Variants in EML6 observed in about 807,000 individuals in gnomAD.
EML6 encodes EMAP like 6, also known as echinoderm microtubule-associated protein-like 6.
In EML6, 154 loss-of-function variants were observed where a neutral mutation model predicts 240.1. The ratio of observed to expected loss-of-function variants is 0.64; its 90% CI spans 0.56 to 0.73. The LOEUF (loss-of-function observed/expected upper bound fraction) is 0.73. Ranked by LOEUF, EML6 falls within the 30% of genes least tolerant of loss-of-function variation. The pLI, the probability that EML6 is intolerant of heterozygous loss-of-function variation, is 0.00. For synonymous variants in EML6, 1,148 were observed against 899.0 expected, an observed-to-expected ratio of 1.28 and a Z score of -4.95; for missense variants, 2,964 against 2,474.6, an observed-to-expected ratio of 1.20 and a Z score of -4.20.
At chr2:54,923,967 A>G (rs1346043882) in intron 26 of EML6, among the ~76,000 whole-genome samples, 1 of 152,142 alleles carries the variant, frequency 6.6e-6, no homozygotes, top group Non-Finnish European at 1.5e-5. Context: ...TAGTTCATTC[A>G]TTTTCATAGC....
At chr2:54,795,371 C>T (rs898264686) in intron 2 of EML6, among the ~76,000 whole-genome samples, 7 of 152,104 alleles carry the variant, frequency 4.6e-5, no homozygotes, top group Non-Finnish European at 5.9e-5. Context: ...ATCACTATCA[C>T]GAGAACACAA....
chr2:54,775,149 G>A (rs929965225), intron 2 of EML6, among the ~76,000 whole-genome samples: 1 of 152,146 alleles, frequency 6.6e-6, no homozygotes, highest in African/African-American at 2.4e-5. Context: ...ATTCATTATG[G>A]TAGCCAAAAT....
chr2:54,919,532 A>C (rs1674112747), intron 26 of EML6, among the ~76,000 whole-genome samples: 1 of 152,066 alleles, frequency 6.6e-6, no homozygotes, highest in African/African-American at 2.4e-5. Flanking sequence ...GCCCATCCCA[A>C]AGCCGCCTGG....
At chr2:54,916,007 C>T (rs1673890685) in intron 25 of EML6, among the ~76,000 whole-genome samples, 2 of 152,122 alleles carry the variant, frequency 1.3e-5, no homozygotes, top group Non-Finnish European at 2.9e-5. Flanking sequence ...TTAACCTATA[C>T]AAATTACAAA....
intron 11 of EML6, among the ~76,000 whole-genome samples, chr2:54,857,463 C>T (rs1224466700): frequency 1.3e-5 from 2 of 152,132 alleles, no homozygotes; most frequent in African/African-American, 4.8e-5. Context: ...TGCTGTCCTA[C>T]GGGATGGAGA....
At chr2:54,853,995 T>G in intron 11 of EML6, 140 bp downstream of exon 11, 1 of 505,788 alleles carries the variant, frequency 2.0e-6, no homozygotes, top group Non-Finnish European at 3.3e-6. Flanking sequence ...TTCAACAATT[T>G]TAAATAGAAT....
chr2:54,791,962 G>A (rs561796952), intron 2 of EML6, among the ~76,000 whole-genome samples: 12 of 152,266 alleles, frequency 7.9e-5, no homozygotes, highest in African/African-American at 1.9e-4. Context: ...AAATCCTGGC[G>A]ATCTCTTTCA....
At chr2:54,796,710 T>C (rs1416956685) in intron 2 of EML6, among the ~76,000 whole-genome samples, 2 of 151,842 alleles carry the variant, frequency 1.3e-5, no homozygotes, top group Non-Finnish European at 2.9e-5. Flanking sequence ...CCAGAAAAGG[T>C]TATGGGGATC....
At chr2:54,885,081 C>T (rs558724488) in intron 17 of EML6, among the ~76,000 whole-genome samples, 34 of 152,164 alleles carry the variant, frequency 2.2e-4, no homozygotes, top group East Asian at 1.7e-3. Context: ...CATCTGAGCC[C>T]GGGAGGCAGA....
intron 28 of EML6, among the ~76,000 whole-genome samples, chr2:54,932,531 C>G (rs1349474488): frequency 6.6e-6 from 1 of 152,178 alleles, no homozygotes; most frequent in East Asian, 1.9e-4. Flanking sequence ...TTACTCTCAA[C>G]TTTTGACCTT....
chr2:54,724,839 G>A lies in EML6; in HGVS notation c.-223G>A, dbSNP rs1211899381. On this transcript the variant is annotated 5_prime_UTR_variant, in exon 2 of 42. Transcript: ENST00000356458. This position sits in a 1 kb window ranked among gnomAD's most constrained non-coding sequence, Gnocchi z 5.2. ...CTTGCCCGGGTAGAGGGAGCCCGGCGCCCGGCGGGGTCTGGCGGCCGCACA... is the reference window on the plus strand; with the variant it reads ...CTTGCCCGGGTAGAGGGAGCCCGGCACCCGGCGGGGTCTGGCGGCCGCACA... The A allele has an allele frequency of 5.4e-5, 10 of 186,732 alleles. No individual in the cohort carries two copies. The East Asian group carries it at 1.7e-3, about 32-fold the overall frequency. 11.6% of individuals were successfully genotyped at this position (186,732 alleles called of 1,614,324 possible).
At chr2:54,886,858 G>C (rs1217148695) in intron 17 of EML6, among the ~76,000 whole-genome samples, 1 of 152,192 alleles carries the variant, frequency 6.6e-6, no homozygotes, top group African/African-American at 2.4e-5. Context: ...TTTTAGGCAA[G>C]AATGCTTTAT....
At chr2:54,948,080 G>A (rs1047836298) in intron 28 of EML6, among the ~76,000 whole-genome samples, 10 of 152,112 alleles carry the variant, frequency 6.6e-5, no homozygotes, top group African/African-American at 1.2e-4. Flanking sequence ...GGTGGGAGCT[G>A]GTACAGTTCT....
At chr2:54,877,710 A>C (rs550295429) in intron 16 of EML6, among the ~76,000 whole-genome samples, 23 of 152,368 alleles carry the variant, frequency 1.5e-4, no homozygotes, top group African/African-American at 5.3e-4. Context: ...GACGTAGTTT[A>C]TAATAATCAC....
At chr2:54,767,644 G>GTA (rs1668241582) in intron 2 of EML6, among the ~76,000 whole-genome samples, 2 of 149,308 alleles carry the variant, frequency 1.3e-5, no homozygotes. Flanking sequence ...GTGTGTGTGT[G>GTA]TATGTTGCAA....
intron 2 of EML6, among the ~76,000 whole-genome samples, chr2:54,798,532 G>A (rs182395242): frequency 5.9e-5 from 9 of 152,226 alleles, no homozygotes; most frequent in Admixed American, 3.9e-4. Context: ...AAGATCTTAA[G>A]TACCTTATGT....
rs772232737 is a variant in EML6, at chr2:54,863,866, G to T, written c.1909G>T (p.Ala637Ser). ...PELDSDIEQE[A>S]QINYDRQVYK... ...ACTGGACTCTGATATTGAGCAAGAA[G>T]CTCAAATCAATTATGATCGCCAGGT... Residue 637 changes from alanine to serine, a missense_variant, in exon 13 of 42, where the codon GCT becomes TCT. By Grantham distance (99) the Ala-to-Ser change is moderately conservative (BLOSUM62 1). Coordinates refer to ENST00000356458, the MANE Select transcript of EML6 (RefSeq NM_001039753.4). 1 of 1,544,684 alleles carries T rather than the reference G, an allele frequency of 6.5e-7. No individual in the cohort carries two copies. The highest frequency in any genetic ancestry group is 1.2e-5 in the South Asian group (1 of 82,496).
chr2:54,951,706 A>G (rs2104490911), intron 30 of EML6, among the ~76,000 whole-genome samples: 1 of 152,016 alleles, frequency 6.6e-6, no homozygotes, highest in Non-Finnish European at 1.5e-5. Context: ...CCTCAAGAAA[A>G]AAAAAAAAAC....
intron 26 of EML6, among the ~76,000 whole-genome samples, chr2:54,920,706 T>C (rs934078314): frequency 1.3e-5 from 2 of 152,046 alleles, no homozygotes; most frequent in Non-Finnish European, 2.9e-5. Flanking sequence ...ATAAGGACAT[T>C]ACAAGAAAAC....
Sources: gnomAD v4.1 joint callset for allele counts (sites outside exome capture counted in the v4.1 genomes callset) on GRCh38, gnomAD v4.1.1 for gene constraint, Gnocchi (gnomAD v3.1) non-coding constraint, MANE v1.5 for transcripts, NCBI Gene and HGNC (gene_info 2026-07-23, HGNC 2026-07-21) for gene names.